The following GNG7 variants were observed in gnomAD, a reference collection of about 807,000 sequenced individuals.
GNG7 encodes the protein G protein subunit gamma 7, also known as guanine nucleotide-binding protein G(I)/G(S)/G(O) subunit gamma-7.
In GNG7, 1 loss-of-function variant was observed where a neutral mutation model predicts 4.0. The ratio of observed to expected loss-of-function variants is 0.25; its 90% CI spans 0.09 to 1.18. The LOEUF is 1.18. Ranked by LOEUF, GNG7 falls within the 50% of genes most tolerant of loss-of-function variation. The probability of loss-of-function intolerance (pLI) is 0.50; values close to 1 mark genes in which losing one functional copy is unlikely to be tolerated. For missense variants in GNG7, 86 were observed against 91.9 expected, an observed-to-expected ratio of 0.94 and a Z score of 0.26; for synonymous variants, 34 against 36.9, an observed-to-expected ratio of 0.92 and a Z score of 0.29.
chr19:2,595,879 A>G (rs1051953182), intron 2 of GNG7, among the ~76,000 whole-genome samples: 1 of 152,176 alleles, frequency 6.6e-6, no homozygotes, highest in African/African-American at 2.4e-5. Flanking sequence ...GTTAGACGAC[A>G]ATGACCAGGA....
chr19:2,687,669 C>G (rs1474000678), intron 1 of GNG7, among the ~76,000 whole-genome samples: 1 of 151,864 alleles, frequency 6.6e-6, no homozygotes, highest in Admixed American at 6.6e-5. Flanking sequence ...AAGCCACCAG[C>G]CTGGCCAAGA....
chr19:2,578,366 A>G (rs1276470346), intron 2 of GNG7, among the ~76,000 whole-genome samples: 1 of 152,118 alleles, frequency 6.6e-6, no homozygotes, highest in Non-Finnish European at 1.5e-5. Context: ...GTTCTCTACT[A>G]TGTTAGGAAG....
chr19:2,678,297 G>A (rs1400584017), intron 1 of GNG7, among the ~76,000 whole-genome samples: 1 of 152,174 alleles, frequency 6.6e-6, no homozygotes. Context: ...AGAAGTGAAA[G>A]GTGACTTGTA....
chr19:2,661,362 A>G (rs545738085), intron 1 of GNG7, among the ~76,000 whole-genome samples: 4 of 151,364 alleles, frequency 2.6e-5, no homozygotes, highest in Non-Finnish European at 4.4e-5. Flanking sequence ...GAAAGAAAGA[A>G]ATGGGCCCTC....
At chr19:2,613,084 G>C (rs114273000) in intron 2 of GNG7, among the ~76,000 whole-genome samples, 2,015 of 152,238 alleles carry the variant, frequency 0.013, 44 homozygotes, top group African/African-American at 0.045. Context: ...CAGCCAGGTA[G>C]AACCAGCCAG....
intron 3 of GNG7, among the ~76,000 whole-genome samples, chr19:2,524,552 C>A (rs1568231294): frequency 6.6e-6 from 1 of 152,156 alleles, no homozygotes; most frequent in East Asian, 1.9e-4. Context: ...GTATGTGTAC[C>A]TGCATATGCA....
At chr19:2,568,475 TAC>T (rs373713495) in intron 2 of GNG7, among the ~76,000 whole-genome samples, 3 of 149,952 alleles carry the variant, frequency 2.0e-5, no homozygotes, top group East Asian at 4.0e-4. Flanking sequence ...CACATGCACA[TAC>T]ACACAGACTT....
rs77870199 is a variant in GNG7 at position 2,618,656 on chromosome 19, T to A, written c.-78+27568A>T. Among the ~76,000 whole-genome samples, 1,068 of 147,954 alleles carry A rather than the reference T, an allele frequency of 7.2e-3. 12 individuals are homozygous for A. The highest frequency in any genetic ancestry group is 0.026 in the African/African-American group (1,012 of 39,252). ...GAGCCACCGTGCCCAGCCTGTTCTA[T>A]TTTTTTTTTAATAAACAATTTTATT... On this transcript the variant is annotated intron_variant, in intron 2 of 4. Coordinates refer to ENST00000382159, the MANE Select transcript of GNG7 (RefSeq NM_052847.3). This position sits in a 1 kb window ranked among gnomAD's most constrained non-coding sequence, Gnocchi z 5.1.
chr19:2,585,845 C>A (rs1173456381), intron 2 of GNG7, among the ~76,000 whole-genome samples: 2 of 152,092 alleles, frequency 1.3e-5, no homozygotes, highest in African/African-American at 4.8e-5. Flanking sequence ...GGATTACAGG[C>A]ACCCGCCACC....
At chr19:2,604,012 C>T (rs1189812176) in intron 2 of GNG7, among the ~76,000 whole-genome samples, 2 of 151,090 alleles carry the variant, frequency 1.3e-5, no homozygotes, top group South Asian at 2.1e-4. Flanking sequence ...CACCACGCCC[C>T]GCTAATTTTT....
intron 2 of GNG7, among the ~76,000 whole-genome samples, chr19:2,573,735 C>T (rs1025877126): frequency 2.6e-5 from 4 of 152,178 alleles, no homozygotes; most frequent in South Asian, 4.2e-4. Context: ...CCCAGCTACT[C>T]GGGAGGCTGA....
At chr19:2,669,203 C>T (rs1470263841) in intron 1 of GNG7, among the ~76,000 whole-genome samples, 7 of 152,108 alleles carry the variant, frequency 4.6e-5, no homozygotes, top group South Asian at 2.1e-4. Context: ...AGAAAACTAC[C>T]GCTGTGGGTT....
chr19:2,546,002 G>A lies in GNG7; in HGVS notation c.-38+9147C>T, dbSNP rs1453451135. On this transcript the variant is annotated intron_variant, in intron 3 of 4. Transcript: ENST00000382159. The surrounding 1 kb of genome is among the most constrained non-coding windows in gnomAD (Gnocchi z 6.3). ...AAACAAACAAACGAAAAAGAAAGGT[G>A]CACACAGCTTCCAGAGCGGACACAG... Among the ~76,000 whole-genome samples the A allele has an allele frequency of 6.6e-6, 1 of 151,536 alleles. No individual in the cohort carries two copies. Among genetic ancestry groups the A allele is most frequent in the African/African-American group, 2.4e-5 (1 of 41,354 alleles).
chr19:2,555,715 G>A (rs1362518926), intron 2 of GNG7, among the ~76,000 whole-genome samples: 1 of 152,068 alleles, frequency 6.6e-6, no homozygotes, highest in Non-Finnish European at 1.5e-5. Context: ...GGTCTCATGT[G>A]AGCCGCCCAG....
chr19:2,564,536 C>T (rs7257024), intron 2 of GNG7, among the ~76,000 whole-genome samples: 7,602 of 152,096 alleles, frequency 0.05, 611 homozygotes, highest in African/African-American at 0.17. Context: ...ATGGTGCCAC[C>T]GCACTCCAGC....
chr19:2,648,145 G>GAT (rs1982717626), intron 1 of GNG7, among the ~76,000 whole-genome samples: 1 of 150,934 alleles, frequency 6.6e-6, no homozygotes, highest in Non-Finnish European at 1.5e-5. Flanking sequence ...TTAGCTTATA[G>GAT]AAATGTACCC....
chr19:2,620,624 G>A (rs754450882), intron 2 of GNG7, among the ~76,000 whole-genome samples: 29 of 152,184 alleles, frequency 1.9e-4, no homozygotes, highest in Non-Finnish European at 1.6e-4. Context: ...TCCTGTCATC[G>A]GCCACCCTAG....
intron 3 of GNG7, among the ~76,000 whole-genome samples, chr19:2,525,319 T>G (rs1256092938): frequency 6.6e-6 from 1 of 152,138 alleles, no homozygotes; most frequent in African/African-American, 2.4e-5. Flanking sequence ...CACAGGCTCC[T>G]GCAGGCAGGC....
chr19:2,670,958 GGA>G (rs1983436995), intron 1 of GNG7, among the ~76,000 whole-genome samples: 1 of 152,144 alleles, frequency 6.6e-6, no homozygotes, highest in African/African-American at 2.4e-5. Flanking sequence ...GAGTGGGGAG[GGA>G]GAGAGGGGGT....
Sources: allele counts gnomAD v4.1 joint callset (sites outside exome capture counted in the v4.1 genomes callset), GRCh38; gene constraint gnomAD v4.1.1; non-coding constraint Gnocchi (gnomAD v3.1); transcripts MANE v1.5; gene names NCBI Gene and HGNC (gene_info 2026-07-23, HGNC 2026-07-21).